The following PLCL2 variants were observed in gnomAD, a reference collection of about 807,000 sequenced individuals.
The protein encoded by PLCL2 is phospholipase C like 2.
In PLCL2, 4 loss-of-function variants were observed where a neutral mutation model predicts 79.6. The ratio of observed to expected loss-of-function variants is 0.05; its 90% confidence interval spans 0.02 to 0.11. The LOEUF (loss-of-function observed/expected upper bound fraction) is 0.11. Among genes scored for constraint, PLCL2 ranks in the 10% least tolerant of loss-of-function variants. PLCL2 has a pLI of 1.00. For synonymous variants in PLCL2, 484 were observed against 457.7 expected (o/e 1.06, Z -0.73); for missense variants, 895 against 1,291.0 (o/e 0.69, Z 4.70).
chr3:17,073,164 G>A (rs1020694273), intron 5 of PLCL2, among the ~76,000 whole-genome samples: 4 of 152,212 alleles, frequency 2.6e-5, no homozygotes, highest in Admixed American at 6.5e-5. Context: ...AATCCTATGA[G>A]TTTTGACAAG....
intron 1 of PLCL2, among the ~76,000 whole-genome samples, chr3:17,004,426 C>G (rs1216044844): frequency 1.3e-5 from 2 of 152,166 alleles, no homozygotes. Flanking sequence ...GGAGGAGAGG[C>G]ATCCACAGGC....
chr3:17,030,089 G>C (rs2064564629), intron 3 of PLCL2, among the ~76,000 whole-genome samples: 1 of 152,012 alleles, frequency 6.6e-6, no homozygotes, highest in East Asian at 1.9e-4. Context: ...TGGGGGCAAG[G>C]CTGTTTCTCT....
intron 1 of PLCL2, among the ~76,000 whole-genome samples, chr3:16,999,288 A>G (rs1559513222): frequency 6.6e-6 from 1 of 152,164 alleles, no homozygotes; most frequent in Non-Finnish European, 1.5e-5. Flanking sequence ...CATCAGTTAA[A>G]CAAGACTCAG....
intron 3 of PLCL2, among the ~76,000 whole-genome samples, chr3:17,031,931 T>C (rs1304966329): frequency 1.0e-5 from 1 of 96,238 alleles, no homozygotes; most frequent in Non-Finnish European, 2.7e-5. Context: ...ATTTTCACCT[T>C]TTTTTTTTTT....
At chr3:17,069,785 A>C (rs1183782135) in intron 5 of PLCL2, among the ~76,000 whole-genome samples, 1 of 152,176 alleles carries the variant, frequency 6.6e-6, no homozygotes, top group Non-Finnish European at 1.5e-5. Flanking sequence ...ACTTATTTTT[A>C]TAATTAAGAT....
chr3:17,081,084 C>T (rs1164310683), intron 5 of PLCL2: 5 of 433,800 alleles, frequency 1.2e-5, no homozygotes, highest in East Asian at 7.1e-5. Context: ...TTTTATGAAA[C>T]GAGAATGGTA....
intron 1 of PLCL2, among the ~76,000 whole-genome samples, chr3:16,900,797 T>C (rs937938243): frequency 1.3e-5 from 2 of 152,174 alleles, no homozygotes; most frequent in African/African-American, 2.4e-5. Flanking sequence ...CACTAGACTT[T>C]GGCAAGGTTG....
chr3:17,022,234 G>A (rs1377245286), intron 3 of PLCL2, among the ~76,000 whole-genome samples: 1 of 152,112 alleles, frequency 6.6e-6, no homozygotes, highest in Non-Finnish European at 1.5e-5. Context: ...TATGCTTTAC[G>A]CAAAAGAATA....
rs781144939 is a variant in PLCL2, at chr3:17,011,674, T to A, written c.2328T>A (p.Gly776=). The change falls in exon 2 of 6, where the codon GGT becomes GGA. Residue 776 remains glycine (G), a synonymous_variant. Transcript: ENST00000615277. The surrounding 1 kb of genome is among the most constrained non-coding windows in gnomAD (Gnocchi z 7.9). The part of the protein sequence containing the change: ...FPKPKGSGAK[G]DVVDPYVYVE... ...AGCCCAAAGGATCAGGTGCCAAAGGTGATGTGGTAGATCCTTATGTCTATG... is the reference window on the plus strand; with the variant it reads ...AGCCCAAAGGATCAGGTGCCAAAGGAGATGTGGTAGATCCTTATGTCTATG... 3 of 1,614,032 alleles carry A rather than the reference T, an allele frequency of 1.9e-6. No homozygotes were observed. Among genetic ancestry groups the A allele is most frequent in the Non-Finnish European group, 2.5e-6 (3 of 1,180,022 alleles).
chr3:17,017,521 T>TAA (rs199933728), intron 3 of PLCL2, among the ~76,000 whole-genome samples: 1,642 of 152,358 alleles, frequency 0.011, 30 homozygotes, highest in Admixed American at 0.046. Context: ...GGAAATGTAC[T>TAA]AAAGGTCTCG....
chr3:17,058,880 C>A (rs1438820230), intron 4 of PLCL2, among the ~76,000 whole-genome samples: 1 of 151,996 alleles, frequency 6.6e-6, no homozygotes, highest in East Asian at 1.9e-4. Context: ...GTATTAAAGA[C>A]CCCAGAATTC....
chr3:17,046,411 C>G (rs538055984), intron 4 of PLCL2, among the ~76,000 whole-genome samples: 1 of 152,084 alleles, frequency 6.6e-6, no homozygotes, highest in African/African-American at 2.4e-5. Context: ...ATTATAATTT[C>G]CTTTCTAGTC....
intron 1 of PLCL2, among the ~76,000 whole-genome samples, chr3:16,991,152 A>T (rs1369370595): frequency 6.6e-6 from 1 of 152,184 alleles, no homozygotes; most frequent in African/African-American, 2.4e-5. Context: ...CTGAGTTGGG[A>T]TCTGAAGAAG....
chr3:17,014,764 G>A lies in PLCL2; in HGVS notation c.2871G>A (p.Met957Ile). 1 of 1,614,162 alleles carries A rather than the reference G, an allele frequency of 6.2e-7. No individual in the cohort carries two copies. Among genetic ancestry groups the A allele is most frequent in the Non-Finnish European group, 8.5e-7 (1 of 1,180,010 alleles). Reference protein sequence around the residue: ...LCGLSSVANLMQCMLAVSPRF... With the variant: ...LCGLSSVANLIQCMLAVSPRF... Reference sequence around the variant, plus strand: ...GCCTCTCCTCTGTGGCCAATCTCATGCAGTGCATGTTGGCGGTGTCTCCCC... The same window carrying A: ...GCCTCTCCTCTGTGGCCAATCTCATACAGTGCATGTTGGCGGTGTCTCCCC... The change falls in exon 3 of 6, where the codon ATG (methionine) becomes ATA (isoleucine). Residue 957 changes from methionine (M) to isoleucine (I), a missense_variant. Met to Ile is a conservative substitution (Grantham distance 10, BLOSUM62 1). This residue lies in a region of PLCL2 where 298 missense variants were observed against 459.6 expected (regional missense o/e 0.65). Coordinates refer to ENST00000615277, the MANE Select transcript of PLCL2 (RefSeq NM_001144382.2).
At chr3:17,034,078 AT>A (rs1185024863) in intron 3 of PLCL2, among the ~76,000 whole-genome samples, 1 of 152,148 alleles carries the variant, frequency 6.6e-6, no homozygotes, top group African/African-American at 2.4e-5. Context: ...GGAAAAAATA[AT>A]TGATTCCCAG....
chr3:17,024,863 G>A (rs546347838), intron 3 of PLCL2, among the ~76,000 whole-genome samples: 1 of 152,202 alleles, frequency 6.6e-6, no homozygotes, highest in African/African-American at 2.4e-5. Context: ...GGGCACAGAG[G>A]CGGCTGTGCC....
intron 1 of PLCL2, among the ~76,000 whole-genome samples, chr3:16,980,545 G>A (rs1400323184): frequency 2.0e-5 from 3 of 150,806 alleles, no homozygotes; most frequent in South Asian, 4.2e-4. Context: ...ATGGGCGGCC[G>A]GGCAGAGACG....
chr3:16,954,936 A>G (rs1215339366), intron 1 of PLCL2, among the ~76,000 whole-genome samples: 2 of 152,246 alleles, frequency 1.3e-5, no homozygotes, highest in African/African-American at 4.8e-5. Context: ...GCCCTTTGTC[A>G]GATGAGTAGG....
intron 1 of PLCL2, among the ~76,000 whole-genome samples, chr3:16,897,138 T>C (rs1395712030): frequency 6.6e-6 from 1 of 152,122 alleles, no homozygotes. Context: ...GTGGAGTTTT[T>C]CTTTAAGGGA....
Sources: gnomAD v4.1 joint callset for allele counts (sites outside exome capture counted in the v4.1 genomes callset) on GRCh38, gnomAD v4.1.1 for gene constraint, gnomAD v4.1.1 regional missense constraint, Gnocchi (gnomAD v3.1) non-coding constraint, MANE v1.5 for transcripts, NCBI Gene and HGNC (gene_info 2026-07-23, HGNC 2026-07-21) for gene names.